Variants in NBPF20 observed in about 807,000 individuals in gnomAD.
The protein encoded by NBPF20 is NBPF member 20, also known as NBPF family member NBPF20.
Under a neutral mutation model 68.1 loss-of-function variants are expected in NBPF20, and 90 were observed. The ratio of observed to expected loss-of-function variants is 1.32; its 90% confidence interval spans 1.11 to 1.58. NBPF20 has a LOEUF of 1.58. Among genes scored for constraint, NBPF20 ranks in the 40% most tolerant of loss-of-function variants. The pLI, the probability that NBPF20 is intolerant of heterozygous loss-of-function variation, is 0.00. For synonymous variants in NBPF20, 290 were observed against 228.1 expected, an observed-to-expected ratio of 1.27 and a Z score of -2.45; for missense variants, 816 against 601.2, an observed-to-expected ratio of 1.36 and a Z score of -3.74.
chr1:145,396,889 G>T, intron 7 of NBPF20, among the ~76,000 whole-genome samples: 1 of 127,880 alleles, frequency 7.8e-6, no homozygotes, highest in African/African-American at 3.0e-5. Context: ...TTTAACATTA[G>T]GTATATCTCC....
the NBPF20 span, among the ~76,000 whole-genome samples, chr1:145,410,818 A>ATATATATATATATATATACG: frequency 1.1e-4 from 1 of 9,178 alleles, no homozygotes. Flanking sequence ...ATATATACGT[A>ATATATATATATATATATACG]TATATATATA....
In NBPF20 at chr1:145,289,945, C is replaced by CCAAT. The variant is rs782677743; in HGVS notation, c.*1577_*1580dup. 7 of 130,748 alleles carry CCAAT rather than the reference C, an allele frequency of 5.4e-5. No individual in the cohort carries two copies. The East Asian group carries it at 6.2e-4, about 12-fold the overall frequency. The allele number at this position is 130,748 out of a possible 1,614,324, so 8.1% of individuals were successfully genotyped here. On this transcript the variant is annotated 3_prime_UTR_variant, in exon 138 of 138. Coordinates refer to ENST00000369373, the Ensembl canonical transcript of NBPF20. ...TAATTCGCATCAGTACCCACCAAAA[C>CCAAT]CAATCAGCATAATCAAATATTATAA... is the stretch of plus-strand genomic sequence containing the variant.
chr1:145,394,876 G>A, intron 8 of NBPF20, 102 bp downstream of exon 13: 1 of 1,578,440 alleles, frequency 6.3e-7, no homozygotes, highest in Admixed American at 1.7e-5. Context: ...AGCCCACGGT[G>A]ATGGCAAATC....
chr1:145,341,171 GAC>G (rs1416750104), intron 75 of NBPF20, among the ~76,000 whole-genome samples: 51 of 77,582 alleles, frequency 6.6e-4, no homozygotes, highest in East Asian at 6.0e-4. Context: ...CAGAGACAGA[GAC>G]AGAGAGAAAG....
At chr1:145,393,587 A>G (rs1377352099) in intron 9 of NBPF20, 3 of 650,378 alleles carry the variant, frequency 4.6e-6, no homozygotes, top group Non-Finnish European at 7.9e-6. Flanking sequence ...AACAGTGATC[A>G]TGAAAAGCAT....
In NBPF20 at chr1:145,403,403, TC is replaced by T. The variant is rs1157864055; in HGVS notation, c.176-86del. The T allele has an allele frequency of 1.7e-5, 18 of 1,042,560 alleles. No individual in the cohort carries two copies. The African/African-American group carries it at 2.7e-4, about 15-fold the overall frequency. The allele number at this position is 1,042,560 out of a possible 1,614,324, so 64.6% of individuals were successfully genotyped here. A position where few individuals can be genotyped will look rare whatever the true frequency, so the allele number is the denominator to read the frequency against. The stretch of plus-strand genomic sequence containing the variant: ...GCCTACAGGGCAGGAGCCAGGTCCA[TC>T]CCAAGGACAAAACTCTCCCCAGTAC... On this transcript the variant is annotated intron_variant, in intron 2 of 137. Transcript: ENST00000369373.
the NBPF20 span, among the ~76,000 whole-genome samples, chr1:145,419,964 C>A: frequency 6.6e-6 from 1 of 151,882 alleles, no homozygotes; most frequent in South Asian, 2.1e-4. Context: ...TCTCTTTTAA[C>A]CCATTATACT....
the NBPF20 span, among the ~76,000 whole-genome samples, chr1:145,425,055 G>A: frequency 6.6e-6 from 1 of 152,106 alleles, no homozygotes; most frequent in African/African-American, 2.4e-5. Context: ...CAGGATACAC[G>A]AGGACGTGCC....
At chr1:145,390,313 GACACACACACAC>G (rs1370102830) in intron 13 of NBPF20, among the ~76,000 whole-genome samples, 197 bp from the exon 19 acceptor site, 1 of 60,878 alleles carries the variant, frequency 1.6e-5, no homozygotes. Context: ...AAGACAGATA[GACACACACACAC>G]ACACACACAC....
intron 2 of NBPF20, among the ~76,000 whole-genome samples, chr1:145,403,576 A>G (rs1239775721): frequency 2.6e-5 from 4 of 152,228 alleles, no homozygotes; most frequent in Non-Finnish European, 4.4e-5. Context: ...AACGAAGTGG[A>G]GTCAGAATTC....
At chr1:145,407,539 T>A (rs1296414649), upstream of NBPF20, among the ~76,000 whole-genome samples, 3 of 147,226 alleles carry the variant, frequency 2.0e-5, no homozygotes, top group Non-Finnish European at 4.5e-5. Context: ...ATATATATAA[T>A]ACGTGTATAT....
At chr1:145,405,724 G>C (rs1240604826), upstream of NBPF20, 2 of 493,820 alleles carry the variant, frequency 4.1e-6, no homozygotes, top group Admixed American at 7.3e-5. Flanking sequence ...CTCAGTATTC[G>C]TGTACCCTTG....
rs1661604761 is a variant in NBPF20, at chr1:145,340,966, T to C, written c.9096-27A>G. The C allele has an allele frequency of 3.5e-4, 45 of 127,540 alleles. No homozygotes were observed. The African/African-American group carries it at 6.0e-3, about 17-fold the overall frequency. 7.9% of individuals were successfully genotyped at this position (127,540 alleles called of 1,614,324 possible). On this transcript the variant is annotated intron_variant, in intron 75 of 137. Coordinates refer to ENST00000369373, the Ensembl canonical transcript of NBPF20. The stretch of plus-strand genomic sequence containing the variant: ...TGGAAAAGTGGGAAAAAGTAAAGAA[T>C]AAGCCAGGGGGAATCAGAAACCACA...
At chr1:145,419,255 G>A in the NBPF20 span, among the ~76,000 whole-genome samples, 5 of 150,694 alleles carry the variant, frequency 3.3e-5, 1 homozygote, top group African/African-American at 1.2e-4. Flanking sequence ...AAGGAAGGAA[G>A]GAAATGAACA....
chr1:145,393,741 A>G, intron 9 of NBPF20, 143 bp downstream of exon 14: 5 of 1,513,230 alleles, frequency 3.3e-6, no homozygotes, highest in South Asian at 2.2e-5. Flanking sequence ...TACTCTAATG[A>G]GAACCAGAAA....
chr1:145,410,309 T>C (rs1558985130), upstream of NBPF20, among the ~76,000 whole-genome samples: 1 of 151,736 alleles, frequency 6.6e-6, no homozygotes, highest in South Asian at 2.1e-4. Flanking sequence ...TGACCATTCA[T>C]GTATCTTCTT....
chr1:145,292,508 T>C lies in NBPF20; in HGVS notation c.16589-19A>G, dbSNP rs1553658306. The C allele has an allele frequency of 1.4e-6, 1 of 701,138 alleles. No homozygotes were observed. Among genetic ancestry groups the C allele is most frequent in the Non-Finnish European group, 2.5e-6 (1 of 395,408 alleles). 43.4% of individuals were successfully genotyped at this position (701,138 alleles called of 1,614,324 possible). On this transcript the variant is annotated intron_variant, in intron 136 of 137. Transcript: ENST00000369373. ...TCAATTTCTGCAATAAATTCAGACATGGACAGACACATTAAGCTGATTCCC... is the reference window on the plus strand; with the variant it reads ...TCAATTTCTGCAATAAATTCAGACACGGACAGACACATTAAGCTGATTCCC...
chr1:145,416,165 T>C, the NBPF20 span, among the ~76,000 whole-genome samples: 2 of 150,868 alleles, frequency 1.3e-5, no homozygotes, highest in South Asian at 4.2e-4. Flanking sequence ...GACGGTTCAC[T>C]ACTTAACTCC....
intron 79 of NBPF20, among the ~76,000 whole-genome samples, chr1:145,338,067 C>T (rs1421825667): frequency 0.027 from 1,748 of 65,688 alleles, 12 homozygotes; most frequent in African/African-American, 0.069. Flanking sequence ...AGAGAGAGAA[C>T]GAGCTCAGTG....
Sources: gnomAD v4.1 joint callset for allele counts (sites outside exome capture counted in the v4.1 genomes callset) on GRCh38, gnomAD v4.1.1 for gene constraint, MANE v1.5 for transcripts, NCBI Gene and HGNC (gene_info 2026-07-23, HGNC 2026-07-21) for gene names.